Variants in ARID2 observed in about 807,000 individuals in gnomAD.
ARID2 encodes AT-rich interaction domain 2, also known as AT-rich interactive domain-containing protein 2.
In ARID2, 32 loss-of-function variants were observed where a neutral mutation model predicts 184.6. The observed-to-expected ratio is 0.17, with a 90% confidence interval of 0.13 to 0.23. ARID2 has a LOEUF of 0.23. ARID2 is among the 10% of genes least tolerant of loss of function. The pLI is 1.00. For synonymous variants in ARID2, 836 were observed against 772.6 expected (o/e 1.08, Z -1.36); for missense variants, 1,696 against 2,197.6 (o/e 0.77, Z 4.56).
intron 5 of ARID2, among the ~76,000 whole-genome samples, chr12:45,819,881 C>T (rs763918272): frequency 6.6e-6 from 1 of 151,748 alleles, no homozygotes; most frequent in Non-Finnish European, 1.5e-5. Context: ...GTAGCTAGGA[C>T]TACGAGTGAG....
At chr12:45,868,501 T>G (rs938976675) in intron 16 of ARID2, among the ~76,000 whole-genome samples, 1 of 152,210 alleles carries the variant, frequency 6.6e-6, no homozygotes, top group Non-Finnish European at 1.5e-5. Context: ...GTCTCGAGAC[T>G]TTAGCCATAT....
intron 16 of ARID2, among the ~76,000 whole-genome samples, chr12:45,885,240 A>G (rs1282846325): frequency 6.6e-6 from 1 of 152,084 alleles, no homozygotes; most frequent in Admixed American, 6.6e-5. Flanking sequence ...GAATATATAT[A>G]TCTAAAACAG....
intron 3 of ARID2, among the ~76,000 whole-genome samples, chr12:45,799,196 T>C (rs937465402): frequency 1.3e-5 from 2 of 152,200 alleles, no homozygotes; most frequent in African/African-American, 4.8e-5. Context: ...CACAGTATTC[T>C]GAGCATATGA....
At position 45,837,010 on chromosome 12, in the gene ARID2, C is replaced by A; in HGVS notation, c.1023+19C>A. ...AGCTGAGGTAAGCATGTGACTGTAC[C>A]TTAAACTAGTTTTTATAGTTAGCAA... On this transcript the variant is annotated intron_variant, in intron 8 of 20. Transcript: ENST00000334344. 6.3e-7 allele frequency: 1 copy of A among 1,599,864 alleles called. No individual in the cohort carries two copies. Among genetic ancestry groups the A allele is most frequent in the South Asian group, 1.1e-5 (1 of 88,160 alleles).
chr12:45,907,279 A>C lies in ARID2; in HGVS notation c.*2201A>C, dbSNP rs1459227208. 2 of 232,886 alleles carry C rather than the reference A, an allele frequency of 8.6e-6. No homozygotes were observed. The highest frequency in any genetic ancestry group is 2.2e-5 in the African/African-American group (1 of 45,346). 14.4% of individuals were successfully genotyped at this position (232,886 alleles called of 1,614,324 possible). A position where few individuals can be genotyped will look rare whatever the true frequency, so the allele number is the denominator to read the frequency against. On this transcript the variant is annotated 3_prime_UTR_variant, in exon 21 of 21. Coordinates refer to ENST00000334344, the MANE Select transcript of ARID2 (RefSeq NM_152641.4). ...ACTTATCCAAAAATCTCTTTTAAAA[A>C]GTAAATTTGTGCAACAACGTTTATT...
chr12:45,869,669 G>T (rs1341118638), intron 16 of ARID2, among the ~76,000 whole-genome samples: 1 of 151,890 alleles, frequency 6.6e-6, no homozygotes, highest in Non-Finnish European at 1.5e-5. Context: ...GATCACTTGA[G>T]GTCAGGAGTT....
chr12:45,838,289 C>T (rs1183607788), intron 10 of ARID2, among the ~76,000 whole-genome samples: 1 of 152,122 alleles, frequency 6.6e-6, no homozygotes, highest in Non-Finnish European at 1.5e-5. Context: ...TAACACATGC[C>T]ATGTTAACGT....
chr12:45,810,522 A>G (rs191517329), intron 3 of ARID2, among the ~76,000 whole-genome samples: 20 of 152,318 alleles, frequency 1.3e-4, no homozygotes, highest in Admixed American at 7.2e-4. Context: ...AACTGAAAAT[A>G]CCCTAAATGT....
At chr12:45,886,605 G>A (rs1181877560) in intron 16 of ARID2, among the ~76,000 whole-genome samples, 1 of 152,168 alleles carries the variant, frequency 6.6e-6, no homozygotes, top group Non-Finnish European at 1.5e-5. Context: ...CTTCTGCTTG[G>A]ACATCCAGAT....
intron 3 of ARID2, among the ~76,000 whole-genome samples, chr12:45,784,081 C>T (rs989463263): frequency 3.9e-5 from 6 of 152,170 alleles, no homozygotes; most frequent in East Asian, 3.8e-4. Flanking sequence ...CCTCAAACTC[C>T]GGAGCTCAAT....
rs963821952 is a variant in ARID2 at position 45,907,286 on chromosome 12, T to C, written c.*2208T>C. 3.9e-5 allele frequency: 9 copies of C among 232,920 alleles called. No individual in the cohort carries two copies. The highest frequency in any genetic ancestry group is 5.9e-5 in the Non-Finnish European group (7 of 117,902). The allele number at this position is 232,920 out of a possible 1,614,324, so 14.4% of individuals were successfully genotyped here. ...CAAAAATCTCTTTTAAAAAGTAAAT[T>C]TGTGCAACAACGTTTATTTGAAAGA... On this transcript the variant is annotated 3_prime_UTR_variant, in exon 21 of 21. Coordinates refer to ENST00000334344, the MANE Select transcript of ARID2 (RefSeq NM_152641.4).
rs1592144426 is a variant in ARID2, at chr12:45,891,658, T to C, written c.4923-122T>C. 4.6e-6 allele frequency: 5 copies of C among 1,079,678 alleles called. No individual in the cohort carries two copies. The South Asian group carries it at 8.5e-5, about 18-fold the overall frequency. 66.9% of individuals were successfully genotyped at this position (1,079,678 alleles called of 1,614,324 possible). On this transcript the variant is annotated intron_variant, in intron 16 of 20. Transcript: ENST00000334344. ...TTATGAATAAGGGATGTTAAAACAA[T>C]TTACCAAAAGTGTTCAGTACAACTG...
At chr12:45,798,768 G>A (rs1010290512) in intron 3 of ARID2, among the ~76,000 whole-genome samples, 16 of 152,040 alleles carry the variant, frequency 1.1e-4, no homozygotes, top group Non-Finnish European at 1.5e-5. Context: ...AAATTGTAAT[G>A]GTTCTACTTA....
At chr12:45,864,333 C>T (rs1376632449) in intron 16 of ARID2, among the ~76,000 whole-genome samples, 1 of 151,866 alleles carries the variant, frequency 6.6e-6, no homozygotes, top group Non-Finnish European at 1.5e-5. Flanking sequence ...AAAATTAATT[C>T]CCTTCAATAT....
intron 3 of ARID2, among the ~76,000 whole-genome samples, chr12:45,732,354 A>G (rs1941019947): frequency 6.6e-6 from 1 of 152,226 alleles, no homozygotes; most frequent in South Asian, 2.1e-4. Flanking sequence ...TAGGAAATGC[A>G]GTAATCGCAC....
intron 3 of ARID2, among the ~76,000 whole-genome samples, chr12:45,768,731 G>T (rs1941816423): frequency 6.6e-6 from 1 of 152,038 alleles, no homozygotes; most frequent in Non-Finnish European, 1.5e-5. Flanking sequence ...AGTCTTTTTG[G>T]GGTCAGAACA....
chr12:45,801,919 TTAAAG>T (rs1444480555), intron 3 of ARID2, among the ~76,000 whole-genome samples: 2 of 152,162 alleles, frequency 1.3e-5, no homozygotes, highest in South Asian at 2.1e-4. Context: ...TGTTGTAACT[TTAAAG>T]TATGAATCTG....
chr12:45,851,817 A>G lies in ARID2; in HGVS notation c.3694A>G (p.Thr1232Ala), dbSNP rs1943556259. ...ASPAGQSSCT[T>A]ATPPFKGDKI... ...TCCTGCTGGACAATCATCATGTACT[A>G]CTGCTACTCCCCCATTCAAAGGTGA... Residue 1232 changes from threonine to alanine, a missense_variant, in exon 15 of 21, where the codon ACT (threonine) becomes GCT (alanine). Physicochemically the swap from Thr to Ala is moderately conservative, Grantham distance 58. Coordinates refer to ENST00000334344, the MANE Select transcript of ARID2 (RefSeq NM_152641.4). 2 of 1,614,158 alleles carry G rather than the reference A, an allele frequency of 1.2e-6. No individual in the cohort carries two copies. Among genetic ancestry groups the G allele is most frequent in the African/African-American group, 2.7e-5 (2 of 75,050 alleles).
chr12:45,815,370 A>G (rs1176039627), intron 4 of ARID2, among the ~76,000 whole-genome samples: 1 of 152,180 alleles, frequency 6.6e-6, no homozygotes, highest in Non-Finnish European at 1.5e-5. Flanking sequence ...AATGAACAAT[A>G]TATTCTTATT....
Sources: gnomAD v4.1 joint callset for allele counts (sites outside exome capture counted in the v4.1 genomes callset) on GRCh38, gnomAD v4.1.1 for gene constraint, MANE v1.5 for transcripts, NCBI Gene and HGNC (gene_info 2026-07-23, HGNC 2026-07-21) for gene names.